Variants in R3HDM4 observed in about 807,000 individuals in gnomAD.
R3HDM4 encodes R3H domain containing 4.
In R3HDM4, 30 loss-of-function variants were observed where a neutral mutation model predicts 31.3. The ratio of observed to expected loss-of-function variants is 0.96; its 90% CI spans 0.72 to 1.30. R3HDM4 has a LOEUF of 1.30. Ranked by LOEUF, R3HDM4 falls within the 50% of genes most tolerant of loss-of-function variation. The pLI is 0.00. For missense variants in R3HDM4, 444 were observed against 366.1 expected (o/e 1.21, Z -1.74); for synonymous variants, 196 against 156.6 (o/e 1.25, Z -1.88).
chr19:896,991 G>C lies in R3HDM4; in HGVS notation c.*446C>G. 6.3e-6 allele frequency: 1 copy of C among 158,226 alleles called. No individual in the cohort carries two copies. Among genetic ancestry groups the C allele is most frequent in the Non-Finnish European group, 1.4e-5 (1 of 71,650 alleles). The allele number at this position is 158,226 out of a possible 1,614,324, so 9.8% of individuals were successfully genotyped here. The stretch of plus-strand genomic sequence containing the variant: ...CTAAAAACTGGGAGGGGCTGAGCAG[G>C]GGCTGGGACCAAGACCCATGTTTTA... On this transcript the variant is annotated 3_prime_UTR_variant, in exon 8 of 8. Transcript: ENST00000361574. This position sits in a 1 kb window ranked among gnomAD's most constrained non-coding sequence, Gnocchi z 4.0.
At chr19:904,177 T>C (rs2036874548) in intron 1 of R3HDM4, among the ~76,000 whole-genome samples, 1 of 152,024 alleles carries the variant, frequency 6.6e-6, no homozygotes, top group Admixed American at 6.6e-5. Context: ...ATCTCCTAAC[T>C]CCACCCCACC....
rs73918213 is a variant in R3HDM4 at position 897,171 on chromosome 19, C to G, written c.*266G>C. On this transcript the variant is annotated 3_prime_UTR_variant, in exon 8 of 8. Coordinates refer to ENST00000361574, the MANE Select transcript of R3HDM4 (RefSeq NM_138774.4). ...CCAGAAAAGCTCAACGATGAAGAAA[C>G]AGGAACATGCCCAGGTCAGGTCTCC... The G allele has an allele frequency of 0.028, 11,382 of 401,016 alleles. 381 individuals are homozygous for G. The highest frequency in any genetic ancestry group is 0.14 in the East Asian group (3,616 of 26,324). 24.8% of individuals were successfully genotyped at this position (401,016 alleles called of 1,614,324 possible). A position where few individuals can be genotyped will look rare whatever the true frequency, so the allele number is the denominator to read the frequency against.
At position 898,303 on chromosome 19, in the gene R3HDM4, G is replaced by A. The variant is rs553863665; in HGVS notation, c.704-763C>T. Reference sequence around the variant, plus strand: ...ACCTGTAGTCCCAGCTACTCGGGAGGCTGAGGCAGGAGAATGGCGTGAACC... The same window carrying A: ...ACCTGTAGTCCCAGCTACTCGGGAGACTGAGGCAGGAGAATGGCGTGAACC... On this transcript the variant is annotated intron_variant, in intron 7 of 7. Coordinates refer to ENST00000361574, the MANE Select transcript of R3HDM4 (RefSeq NM_138774.4). Among the ~76,000 whole-genome samples, 14 of 150,418 alleles carry A rather than the reference G, an allele frequency of 9.3e-5. No individual in the cohort carries two copies. The South Asian group carries it at 2.7e-3, about 29-fold the overall frequency.
rs573573955 is a variant in R3HDM4 at position 903,697 on chromosome 19, G to A, written c.72-1567C>T. 3.3e-5 allele frequency among the ~76,000 whole-genome samples: 5 copies of A among 152,276 alleles called. No homozygotes were observed. The East Asian group carries it at 5.8e-4, about 18-fold the overall frequency. On this transcript the variant is annotated intron_variant, in intron 1 of 7. Coordinates refer to ENST00000361574, the MANE Select transcript of R3HDM4 (RefSeq NM_138774.4). ...TTGAGCCTGGGGAGTTTGAGGCTGC[G>A]GTGAGCTGTGACTGCAATACCGCGC... is the stretch of plus-strand genomic sequence containing the variant.
At chr19:909,905 G>A (rs373305907) in intron 1 of R3HDM4, among the ~76,000 whole-genome samples, 10 of 151,862 alleles carry the variant, frequency 6.6e-5, no homozygotes, top group Admixed American at 2.0e-4. Flanking sequence ...GAGACGTTAC[G>A]TGGGTGCAGT....
At chr19:901,267 TG>T in intron 3 of R3HDM4, 154 bp downstream of exon 3, 1 of 839,478 alleles carries the variant, frequency 1.2e-6, no homozygotes, top group Non-Finnish European at 1.8e-6. Context: ...GATTCTGGCC[TG>T]GTCTGGGGAC....
At chr19:903,178 A>G (rs1381185797) in intron 1 of R3HDM4, among the ~76,000 whole-genome samples, 2 of 151,292 alleles carry the variant, frequency 1.3e-5, no homozygotes, top group Non-Finnish European at 2.9e-5. Context: ...CCCCACTCCC[A>G]GCAGCAGAGG....
At position 901,470 on chromosome 19, in the gene R3HDM4, T is replaced by A. The variant is rs540331343; in HGVS notation, c.303A>T (p.Ala101=). The A allele has an allele frequency of 5.6e-6, 9 of 1,609,400 alleles. No individual in the cohort carries two copies. In the South Asian group the frequency reaches 9.9e-5, roughly 18 times the overall value. The change falls in exon 3 of 8, where the codon GCA becomes GCT. Residue 101 remains alanine (A), a synonymous_variant. Transcript: ENST00000361574. ...GLEDGDLAPP[A]SPGIFAEACN... is the part of the protein sequence containing the mutation. ...AGGCCTCGGCAAAGATGCCTGGTGA[T>A]GCAGGGGGTGCCAAGTCCCCATCCT...
At position 913,060 on chromosome 19, in the gene R3HDM4, CG is replaced by C; in HGVS notation, c.71+26del. The stretch of plus-strand genomic sequence containing the variant: ...GGGAGCCCAGCCCGCCCCCGGCGCC[CG>C]CCGCGCCCCGCCCGCCCGCGCTCAC... On this transcript the variant is annotated intron_variant, in intron 1 of 7. Transcript: ENST00000361574. The surrounding 1 kb of genome is among the most constrained non-coding windows in gnomAD (Gnocchi z 5.0). 1.0e-6 allele frequency: 1 copy of C among 997,714 alleles called. No individual in the cohort carries two copies. Among genetic ancestry groups the C allele is most frequent in the Non-Finnish European group, 1.2e-6 (1 of 829,412 alleles). The allele number at this position is 997,714 out of a possible 1,614,324, so 61.8% of individuals were successfully genotyped here.
Position 899,491 on chromosome 19 carries a change from C to CG in R3HDM4, c.651dup (p.Glu218ArgfsTer20). On this transcript the variant is annotated frameshift_variant, in exon 7 of 8. Transcript: ENST00000361574. LOFTEE classifies it high-confidence loss of function. The surrounding 1 kb of genome is among the most constrained non-coding windows in gnomAD (Gnocchi z 6.8). ...CAGACAGCGTGCAGCAGAAGCCTCT[C>CG]GAAGCTGTGGGGAACGGGCAGTGAG... 1 of 1,613,702 alleles carries CG rather than the reference C, an allele frequency of 6.2e-7. No homozygotes were observed. The highest frequency in any genetic ancestry group is 2.2e-5 in the East Asian group (1 of 44,888).
chr19:899,963 G>T lies in R3HDM4; in HGVS notation c.561+98C>A. ...GTCTGTATCCTGCCCTGTTTCCCCT[G>T]ACACGACCTGCACCGGGTGAGAACC... is the stretch of plus-strand genomic sequence containing the variant. On this transcript the variant is annotated intron_variant, in intron 5 of 7. Transcript: ENST00000361574. This position sits in a 1 kb window ranked among gnomAD's most constrained non-coding sequence, Gnocchi z 6.8. 4 of 1,286,708 alleles carry T rather than the reference G, an allele frequency of 3.1e-6. No homozygotes were observed. Among genetic ancestry groups the T allele is most frequent in the Non-Finnish European group, 4.5e-6 (4 of 893,872 alleles). 79.7% of individuals were successfully genotyped at this position (1,286,708 alleles called of 1,614,324 possible).
At chr19:911,909 G>A (rs1212484447) in intron 1 of R3HDM4, among the ~76,000 whole-genome samples, 1 of 151,818 alleles carries the variant, frequency 6.6e-6, no homozygotes. Flanking sequence ...GGCAGGGGGC[G>A]CGGACAAGCC....
At chr19:912,984 G>C in intron 1 of R3HDM4, 103 bp downstream of exon 1, 2 of 345,724 alleles carry the variant, frequency 5.8e-6, no homozygotes, top group Non-Finnish European at 8.5e-6. Flanking sequence ...AGGGAACGAG[G>C]GGAGGGAAGG....
rs747329483 is a variant in R3HDM4 at position 897,429 on chromosome 19, GGCC to G, written c.*5_*7del. The stretch of plus-strand genomic sequence containing the variant: ...CGAGGTGGCAGCGGGGTCTCCGCGG[GGCC>G]GCCATCAGCTGTGCTGCTCCAGGTA... On this transcript the variant is annotated 3_prime_UTR_variant, in exon 8 of 8. Transcript: ENST00000361574. 11 of 1,591,792 alleles carry G rather than the reference GGCC, an allele frequency of 6.9e-6. No individual in the cohort carries two copies. In the Admixed American group the frequency reaches 7.0e-5, roughly 10 times the overall value.
chr19:897,701 G>C (rs568137498), intron 7 of R3HDM4, among the ~76,000 whole-genome samples, 161 bp from the exon 8 acceptor site: 2 of 152,218 alleles, frequency 1.3e-5, no homozygotes, highest in Non-Finnish European at 1.5e-5. Context: ...CCGCAGGTCC[G>C]GGAGCCTGGC....
rs199817764 is a variant in R3HDM4, at chr19:900,139, G to T, written c.483C>A (p.Pro161=). Residue 161 remains proline (P), a synonymous_variant, in exon 5 of 8, where the codon CCC becomes CCA. Coordinates refer to ENST00000361574, the MANE Select transcript of R3HDM4 (RefSeq NM_138774.4). ...GRGEDRRRED[P]AYTPRECFQR... Reference sequence around the variant, plus strand: ...GGAAGCACTCGCGGGGTGTATAGGCGGGGTCCTCTGCAGGAGTGGGGGAAC... The same window carrying T: ...GGAAGCACTCGCGGGGTGTATAGGCTGGGTCCTCTGCAGGAGTGGGGGAAC... The T allele has an allele frequency of 1.3e-6, 2 of 1,579,220 alleles. No individual in the cohort carries two copies. Among genetic ancestry groups the T allele is most frequent in the Non-Finnish European group, 1.7e-6 (2 of 1,163,732 alleles).
chr19:899,517 C>T lies in R3HDM4; in HGVS notation c.648-22G>A, dbSNP rs1346707816. 14 of 1,613,340 alleles carry T rather than the reference C, an allele frequency of 8.7e-6. No individual in the cohort carries two copies. Among genetic ancestry groups the T allele is most frequent in the South Asian group, 6.6e-5 (6 of 91,080 alleles). On this transcript the variant is annotated intron_variant, in intron 6 of 7. Coordinates refer to ENST00000361574, the MANE Select transcript of R3HDM4 (RefSeq NM_138774.4). This position sits in a 1 kb window ranked among gnomAD's most constrained non-coding sequence, Gnocchi z 6.8. ...GAAGCTGTGGGGAACGGGCAGTGAG[C>T]GCCGTGCAGGGGCTGCAGCGTGGGG...
chr19:901,841 C>A (rs2036841668), intron 2 of R3HDM4, 135 bp downstream of exon 2: 22 of 1,173,808 alleles, frequency 1.9e-5, no homozygotes, highest in Non-Finnish European at 2.6e-5. Context: ...GTCCCCCGGC[C>A]TACAGCTGAC....
chr19:910,709 C>T (rs528607041), intron 1 of R3HDM4, among the ~76,000 whole-genome samples: 3 of 152,066 alleles, frequency 2.0e-5, no homozygotes, highest in Admixed American at 1.3e-4. Context: ...CAATCAAAGA[C>T]GCATCCTTTC....
Sources: gnomAD v4.1 joint callset for allele counts (sites outside exome capture counted in the v4.1 genomes callset) on GRCh38, gnomAD v4.1.1 for gene constraint, Gnocchi (gnomAD v3.1) non-coding constraint, MANE v1.5 for transcripts, NCBI Gene and HGNC (gene_info 2026-07-23, HGNC 2026-07-21) for gene names.